GTPBP6: variants seen among roughly 807,000 people sequenced by gnomAD.
GTPBP6 encodes putative GTP-binding protein 6.
A neutral mutation model predicts 28.9 loss-of-function variants in GTPBP6; 33 were observed. The ratio of observed to expected loss-of-function variants is 1.14; its 90% CI spans 0.87 to 1.53. GTPBP6 has a LOEUF of 1.53. GTPBP6 is among the 40% of genes most tolerant of loss of function. The probability of loss-of-function intolerance (pLI) is 0.00; values close to 1 mark genes in which losing one functional copy is unlikely to be tolerated. For missense variants in GTPBP6, 507 were observed against 408.3 expected, an observed-to-expected ratio of 1.24 and a Z score of -2.08; for synonymous variants, 231 against 192.7, an observed-to-expected ratio of 1.20 and a Z score of -1.65.
chrX:314,564 TG>T (rs2070391370), intron 4 of GTPBP6, among the ~76,000 whole-genome samples: 3 of 151,736 alleles, frequency 2.0e-5, no homozygotes, highest in African/African-American at 7.3e-5. Context: ...GCTCCACCTC[TG>T]GGGTTCACGC....
intron 4 of GTPBP6, 34 bp downstream of exon 4, chrX:314,856 T>A (rs1214794682): frequency 1.4e-4 from 54 of 399,692 alleles, no homozygotes; most frequent in African/African-American, 1.0e-3. Context: ...GGAGTGGACG[T>A]GACGCTCGGC....
At chrX:317,963 AT>A (rs1320604558) in intron 1 of GTPBP6, among the ~76,000 whole-genome samples, 5 of 94,666 alleles carry the variant, frequency 5.3e-5, no homozygotes, top group Admixed American at 5.1e-4. Context: ...CCGCATCACC[AT>A]CCATAAGCTC....
rs182832106 is a variant in GTPBP6, at chrX:307,733, C to T, written c.1273G>A (p.Gly425Arg). ...TGCGGACCCCAGGGCCGGACTCACC[C>T]GGGCACGAGGTCCACCTTGTTGTGA... Residue 425 changes from glycine to arginine, a missense_variant and splice_region_variant, in exon 8 of 10, where the codon GGG becomes AGG. Transcript: ENST00000326153. 13,322 of 1,476,946 alleles carry T rather than the reference C, an allele frequency of 9.0e-3. 83 individuals carry two copies. Among genetic ancestry groups the T allele is most frequent in the Middle Eastern group, 0.015 (59 of 3,978 alleles). The allele number at this position is 1,476,946 out of a possible 1,614,324, so 91.5% of individuals were successfully genotyped here.
At chrX:307,240 G>A (rs2124445632) in intron 9 of GTPBP6, 120 bp downstream of exon 9, 4 of 873,170 alleles carry the variant, frequency 4.6e-6, no homozygotes, top group East Asian at 5.2e-5. Context: ...CATCTCGTCT[G>A]TACATCCTAA....
exon 3 of GTPBP6, chrX:315,252 C>T: frequency 2.5e-6 from 1 of 398,606 alleles, no homozygotes; most frequent in Non-Finnish European, 4.4e-6. Flanking sequence ...GCCATCCTCT[C>T]CACGTTCAGG....
intron 7 of GTPBP6, among the ~76,000 whole-genome samples, chrX:310,295 C>A (rs1306089601): frequency 7.0e-6 from 1 of 142,894 alleles, no homozygotes; most frequent in African/African-American, 2.7e-5. Flanking sequence ...GACACAGACA[C>A]AGAGGAGGAG....
chrX:304,899 G>A, exon 10 of GTPBP6: 1 of 1,445,504 alleles, frequency 6.9e-7, no homozygotes, highest in Non-Finnish European at 9.1e-7. Context: ...GGCAGGTGCG[G>A]CCGTGTCACC....
At chrX:309,137 T>G (rs2070233878) in intron 7 of GTPBP6, among the ~76,000 whole-genome samples, 2 of 152,120 alleles carry the variant, frequency 1.3e-5, no homozygotes, top group African/African-American at 4.8e-5. Flanking sequence ...ATTTGCTGCT[T>G]CTCCCTCAGG....
intron 7 of GTPBP6, among the ~76,000 whole-genome samples, chrX:309,746 C>A (rs1260156029): frequency 7.2e-6 from 1 of 138,696 alleles, no homozygotes; most frequent in Admixed American, 7.3e-5. Flanking sequence ...GGAACTGGAT[C>A]CAACTGAAGT....
intron 1 of GTPBP6, among the ~76,000 whole-genome samples, chrX:317,687 G>GTCCACCCAACCCGAC (rs1556036922): frequency 1.8e-5 from 1 of 54,512 alleles, no homozygotes; most frequent in Non-Finnish European, 3.6e-5. Flanking sequence ...AACCGCCCCG[G>GTCCACCCAACCCGAC]CCCACCCAAC....
At chrX:312,531 C>T (rs1267521135) in intron 6 of GTPBP6, 5 of 692,180 alleles carry the variant, frequency 7.2e-6, no homozygotes, top group East Asian at 2.7e-5. Flanking sequence ...GACATCCTCA[C>T]CTTGGCTGCT....
In GTPBP6 at chrX:311,320, G is replaced by A. The variant is rs1040351156; in HGVS notation, c.1125+99C>T. On this transcript the variant is annotated intron_variant, in intron 7 of 9. Transcript: ENST00000326153. ...AGGGCCCGGCCCCTGGGCTGAGTGG[G>A]TGTCCGAGGGCCCGACCCCTGGCTG... The A allele has an allele frequency of 6.0e-4, 401 of 672,636 alleles. 3 individuals are homozygous for A. The highest frequency in any genetic ancestry group is 5.4e-4 in the Non-Finnish European group (240 of 442,110). The allele number at this position is 672,636 out of a possible 1,614,324, so 41.7% of individuals were successfully genotyped here.
Position 316,834 on chromosome X carries a change from A to G in GTPBP6, c.487+80T>C, listed in dbSNP as rs1213493663. On this transcript the variant is annotated intron_variant, in intron 2 of 9. Coordinates refer to ENST00000326153, the Ensembl canonical transcript of GTPBP6. ...TGGCCCCGCAAGACCCCCGTACTTC[A>G]GCATGTCTCGGTTGGATGTTTTCGG... is the stretch of plus-strand genomic sequence containing the variant. 1.0e-5 allele frequency: 4 copies of G among 398,836 alleles called. No homozygotes were observed. In the East Asian group the frequency reaches 1.1e-4, roughly 11 times the overall value. The allele number at this position is 398,836 out of a possible 1,614,324, so 24.7% of individuals were successfully genotyped here. A position where few individuals can be genotyped will look rare whatever the true frequency, so the allele number is the denominator to read the frequency against.
At chrX:308,320 G>T (rs947175219) in intron 7 of GTPBP6, among the ~76,000 whole-genome samples, 1 of 150,046 alleles carries the variant, frequency 6.7e-6, no homozygotes, top group African/African-American at 2.5e-5. Flanking sequence ...CACAAAATTT[G>T]AAAAACACAG....
rs373581856 is a variant in GTPBP6, at chrX:307,334, G to C, written c.1427+26C>G. The C allele has an allele frequency of 7.5e-6, 12 of 1,608,266 alleles. 1 individual carries two copies. In the South Asian group the frequency reaches 1.3e-4, roughly 18 times the overall value. ...AGACAGGCATCCAAAGCACCATCCC[G>C]TCTCCTGCCCCTGCAGGCCGCTCAC... is the stretch of plus-strand genomic sequence containing the variant. On this transcript the variant is annotated intron_variant, in intron 9 of 9. Coordinates refer to ENST00000326153, the Ensembl canonical transcript of GTPBP6.
At chrX:314,980 C>T (rs1162263348) in exon 4 of GTPBP6, 5 of 398,578 alleles carry the variant, frequency 1.3e-5, no homozygotes, top group African/African-American at 2.1e-5. Flanking sequence ...GACCGTGAAG[C>T]GGTCAAACAC....
At chrX:316,826 C>G (rs1204747168) in intron 2 of GTPBP6, 88 bp downstream of exon 2, 1 of 399,154 alleles carries the variant, frequency 2.5e-6, no homozygotes. Flanking sequence ...GCAAGACCCC[C>G]GTACTTCAGC....
intron 6 of GTPBP6, chrX:312,046 T>C: frequency 4.4e-6 from 2 of 456,730 alleles, no homozygotes; most frequent in South Asian, 3.6e-5. Flanking sequence ...GTGGTGCCGG[T>C]GTTGACAGAA....
At chrX:314,615 G>A (rs1016324583) in intron 4 of GTPBP6, among the ~76,000 whole-genome samples, 39 of 152,150 alleles carry the variant, frequency 2.6e-4, no homozygotes, top group African/African-American at 9.4e-4. Flanking sequence ...TGGGATTTCA[G>A]GCGCCCGCCA....
Sources: gnomAD v4.1 joint callset for allele counts (sites outside exome capture counted in the v4.1 genomes callset) on GRCh38, gnomAD v4.1.1 for gene constraint, MANE v1.5 for transcripts, NCBI Gene and HGNC (gene_info 2026-07-23, HGNC 2026-07-21) for gene names.